ANO3: variants seen among roughly 807,000 people sequenced by gnomAD.
ANO3 encodes the protein anoctamin 3, also known as anoctamin-3.
Under a neutral mutation model 144.8 loss-of-function variants are expected in ANO3, and 99 were observed. The ratio of observed to expected loss-of-function variants is 0.68; its 90% CI spans 0.58 to 0.81. The LOEUF is 0.81. ANO3 is among the 30% of genes least tolerant of loss of function. The pLI, the probability that ANO3 is intolerant of heterozygous loss-of-function variation, is 0.00. For missense variants in ANO3, 905 were observed against 1,202.2 expected (o/e 0.75, Z 3.66); for synonymous variants, 414 against 392.6 (o/e 1.05, Z -0.64).
At chr11:26,371,448 A>G (rs1458642958) in intron 1 of ANO3, among the ~76,000 whole-genome samples, 1 of 152,236 alleles carries the variant, frequency 6.6e-6, no homozygotes, top group East Asian at 1.9e-4. Flanking sequence ...TGAAGCCCCC[A>G]CACAGAGTCC....
chr11:26,245,020 T>TGTGTGTGTGTGTGTGCGC (rs1261271327), intron 1 of ANO3, among the ~76,000 whole-genome samples: 1 of 141,510 alleles, frequency 7.1e-6, no homozygotes, highest in Non-Finnish European at 1.5e-5. Flanking sequence ...TGTGTGTGTG[T>TGTGTGTGTGTGTGTGCGC]GCATGCATGC....
intron 1 of ANO3, among the ~76,000 whole-genome samples, chr11:26,249,460 T>C (rs1276423053): frequency 6.6e-6 from 1 of 152,186 alleles, no homozygotes; most frequent in East Asian, 1.9e-4. Context: ...CAGCTTTGGC[T>C]AAAGGAATGA....
chr11:26,642,181 G>A (rs1261326440), intron 22 of ANO3, 152 bp downstream of exon 22: 2 of 800,336 alleles, frequency 2.5e-6, no homozygotes, highest in African/African-American at 1.7e-5. Context: ...AGGAGCTAGA[G>A]ATACTAACTC....
chr11:26,554,901 T>C (rs1850040820), intron 13 of ANO3, among the ~76,000 whole-genome samples: 1 of 152,176 alleles, frequency 6.6e-6, no homozygotes, highest in African/African-American at 2.4e-5. Context: ...TCTGTTGTTT[T>C]ATACATTTTG....
chr11:26,226,792 G>T (rs1987347), intron 1 of ANO3, among the ~76,000 whole-genome samples: 1 of 151,680 alleles, frequency 6.6e-6, no homozygotes, highest in Non-Finnish European at 1.5e-5. Context: ...TAAAATACAC[G>T]TAACATTTTC....
chr11:26,390,083 G>A (rs1856836117), intron 1 of ANO3, among the ~76,000 whole-genome samples: 1 of 152,038 alleles, frequency 6.6e-6, no homozygotes, highest in African/African-American at 2.4e-5. Context: ...ACTTAACATG[G>A]TTCTCTCTTT....
In ANO3 at chr11:26,236,376, C is replaced by T. The variant is rs1248596806; in HGVS notation, c.154+47046C>T. Among the ~76,000 whole-genome samples the T allele has an allele frequency of 2.6e-5, 4 of 152,142 alleles. No individual in the cohort carries two copies. The South Asian group carries it at 6.2e-4, about 24-fold the overall frequency. On this transcript the variant is annotated intron_variant, in intron 1 of 27. Coordinates refer to the ANO3 transcript ENST00000672621. ...TTGATATTCTCATCAATATATTATA[C>T]TATACTTCAAGCAATCTCTTAAAAG...
chr11:26,561,212 G>A, intron 14 of ANO3: 3 of 1,604,658 alleles, frequency 1.9e-6, no homozygotes, highest in Non-Finnish European at 2.6e-6. Flanking sequence ...CCGGTGCATT[G>A]TCTAATCGCA....
chr11:26,423,776 G>A (rs1457485831), intron 1 of ANO3, among the ~76,000 whole-genome samples: 16 of 151,932 alleles, frequency 1.1e-4, no homozygotes, highest in Admixed American at 1.1e-3. Context: ...TTATACCACG[G>A]GAAGTCATGG....
chr11:26,653,108 TC>T (rs1410829098), intron 24 of ANO3, among the ~76,000 whole-genome samples: 10 of 152,308 alleles, frequency 6.6e-5, no homozygotes, highest in African/African-American at 2.2e-4. Flanking sequence ...TCCTTGACCA[TC>T]TAATTCAGTT....
chr11:26,338,578 G>A lies in ANO3; in HGVS notation c.46+6257G>A, dbSNP rs183334030. On this transcript the variant is annotated intron_variant, in intron 1 of 26. Transcript: ENST00000256737. ...CATGGTGTGGAAGCTTTGTTCTTTC[G>A]CTTTTTATAATAAATCTTGCTGCTG... 1.3e-4 allele frequency among the ~76,000 whole-genome samples: 20 copies of A among 152,178 alleles called. 1 individual carries two copies. The East Asian group carries it at 3.3e-3, about 25-fold the overall frequency.
chr11:26,324,136 T>C (rs1478101923), intron 1 of ANO3, among the ~76,000 whole-genome samples: 1 of 152,200 alleles, frequency 6.6e-6, no homozygotes, highest in Non-Finnish European at 1.5e-5. Flanking sequence ...CACAGCTGAC[T>C]GAGGTGGCAA....
At chr11:26,572,750 G>C (rs916339702) in intron 14 of ANO3, among the ~76,000 whole-genome samples, 5 of 152,084 alleles carry the variant, frequency 3.3e-5, no homozygotes, top group African/African-American at 1.2e-4. Context: ...AACGCTGTGA[G>C]GTGTTACATG....
intron 1 of ANO3, among the ~76,000 whole-genome samples, chr11:26,439,378 G>A (rs1858429595): frequency 2.0e-5 from 3 of 152,166 alleles, no homozygotes; most frequent in Admixed American, 1.3e-4. Context: ...TCATTAAAGT[G>A]CAAAGACAAC....
intron 14 of ANO3, chr11:26,560,107 A>G (rs1047743795): frequency 4.5e-6 from 1 of 223,940 alleles, no homozygotes; most frequent in African/African-American, 2.3e-5. Context: ...TGATTATGAA[A>G]CTGATGCTCA....
intron 1 of ANO3, among the ~76,000 whole-genome samples, chr11:26,229,223 C>T (rs1398643250): frequency 6.6e-6 from 1 of 152,058 alleles, no homozygotes; most frequent in Admixed American, 6.5e-5. Context: ...TAGTGAGATT[C>T]AAAACAGGTA....
At chr11:26,519,040 G>GA (rs202039667) in intron 6 of ANO3, among the ~76,000 whole-genome samples, 2,658 of 152,118 alleles carry the variant, frequency 0.017, 48 homozygotes, top group South Asian at 0.042. Flanking sequence ...AATTGCTAAA[G>GA]AAAAAATCTA....
intron 18 of ANO3, among the ~76,000 whole-genome samples, chr11:26,627,841 G>GTA (rs148349502): frequency 0.043 from 6,268 of 144,096 alleles, 415 homozygotes; most frequent in African/African-American, 0.14. Flanking sequence ...GTGTGTGTGT[G>GTA]TGTGTGTGTG....
At chr11:26,298,256 G>A (rs1590242695) in intron 1 of ANO3, among the ~76,000 whole-genome samples, 3 of 152,108 alleles carry the variant, frequency 2.0e-5, no homozygotes, top group East Asian at 3.9e-4. Context: ...GGCACAACTA[G>A]CAGATCCCAG....
Sources: gnomAD v4.1 joint callset for allele counts (sites outside exome capture counted in the v4.1 genomes callset) on GRCh38, gnomAD v4.1.1 for gene constraint, MANE v1.5 for transcripts, NCBI Gene and HGNC (gene_info 2026-07-23, HGNC 2026-07-21) for gene names.